Variants in PCDH9 observed in about 807,000 individuals in gnomAD.
The protein encoded by PCDH9 is protocadherin 9.
A neutral mutation model predicts 70.6 loss-of-function variants in PCDH9; 24 were observed. That is an observed-to-expected ratio of 0.34 (90% confidence interval 0.25 to 0.48). PCDH9 has a LOEUF of 0.48. Ranked by LOEUF, PCDH9 falls within the 20% of genes least tolerant of loss-of-function variation. PCDH9 has a pLI of 0.99. For missense variants in PCDH9, 1,281 were observed against 1,503.6 expected (o/e 0.85, Z 2.45); for synonymous variants, 562 against 558.5 (o/e 1.01, Z -0.09).
At chr13:66,537,263 G>A (rs1274219638) in intron 4 of PCDH9, among the ~76,000 whole-genome samples, 1 of 152,068 alleles carries the variant, frequency 6.6e-6, no homozygotes. Context: ...TGCTCAGTGA[G>A]TGCTGAACAT....
intron 4 of PCDH9, among the ~76,000 whole-genome samples, chr13:66,366,228 C>T (rs1441032775): frequency 2.6e-5 from 4 of 151,732 alleles, no homozygotes. Flanking sequence ...TTTTTCTCAC[C>T]CCAAATGCTA....
chr13:66,553,480 T>A (rs892678072), intron 4 of PCDH9, among the ~76,000 whole-genome samples: 1 of 152,192 alleles, frequency 6.6e-6, no homozygotes, highest in African/African-American at 2.4e-5. Flanking sequence ...TTTTGAAAAG[T>A]GGCTTTATTA....
chr13:66,879,773 C>T (rs545716892), intron 3 of PCDH9, among the ~76,000 whole-genome samples: 56 of 152,012 alleles, frequency 3.7e-4, no homozygotes, highest in African/African-American at 1.3e-3. Context: ...TGTAAGACAA[C>T]ACAACAAATG....
intron 3 of PCDH9, among the ~76,000 whole-genome samples, chr13:66,700,956 AT>A (rs2078636603): frequency 7.5e-6 from 1 of 133,096 alleles, no homozygotes; most frequent in African/African-American, 2.9e-5. Flanking sequence ...ATATATATAT[AT>A]ATATATATAT....
intron 2 of PCDH9, among the ~76,000 whole-genome samples, chr13:67,128,663 AAAGTGTGG>A (rs1326672915): frequency 9.2e-5 from 14 of 152,142 alleles, no homozygotes; most frequent in African/African-American, 3.4e-4. Flanking sequence ...TGCTTTGGTT[AAAGTGTGG>A]AAGGTAGGAA....
chr13:66,584,017 G>A (rs559890181), intron 4 of PCDH9, among the ~76,000 whole-genome samples: 1 of 152,130 alleles, frequency 6.6e-6, no homozygotes, highest in African/African-American at 2.4e-5. Context: ...CAAAACCTAC[G>A]CCTCACAAGT....
intron 3 of PCDH9, among the ~76,000 whole-genome samples, chr13:66,734,206 T>C (rs956870415): frequency 6.6e-6 from 1 of 152,186 alleles, no homozygotes; most frequent in Non-Finnish European, 1.5e-5. Flanking sequence ...TATGCCTACA[T>C]AATGAAAGCC....
chr13:66,917,385 G>A (rs184190292), intron 2 of PCDH9, among the ~76,000 whole-genome samples: 1 of 151,576 alleles, frequency 6.6e-6, no homozygotes, highest in Admixed American at 6.6e-5. Context: ...TGAGCCAAAT[G>A]ACTCACCATA....
intron 3 of PCDH9, among the ~76,000 whole-genome samples, chr13:66,839,208 G>A (rs918111990): frequency 1.3e-5 from 2 of 151,856 alleles, no homozygotes; most frequent in Non-Finnish European, 2.9e-5. Context: ...CAATCACTTT[G>A]TATTTTTTAG....
chr13:67,093,229 C>T (rs1289988772), intron 2 of PCDH9, among the ~76,000 whole-genome samples: 2 of 152,044 alleles, frequency 1.3e-5, no homozygotes, highest in African/African-American at 4.8e-5. Context: ...CCAAGGTCAG[C>T]GAATCACCTG....
chr13:67,015,939 T>C (rs140201320), intron 2 of PCDH9, among the ~76,000 whole-genome samples: 44 of 152,276 alleles, frequency 2.9e-4, no homozygotes, highest in Non-Finnish European at 3.4e-4. Context: ...GCCATAATAT[T>C]CACCTCAATT....
intron 4 of PCDH9, among the ~76,000 whole-genome samples, chr13:66,389,649 C>T (rs1046309589): frequency 6.6e-6 from 1 of 152,166 alleles, no homozygotes; most frequent in Non-Finnish European, 1.5e-5. Flanking sequence ...CTGCTCTCAG[C>T]TGGCTAAAAC....
At chr13:66,869,534 T>C (rs186456604) in intron 3 of PCDH9, among the ~76,000 whole-genome samples, 213 of 152,256 alleles carry the variant, frequency 1.4e-3, no homozygotes, top group African/African-American at 4.8e-3. Flanking sequence ...CCTTTCTAAA[T>C]TGTATTGTTT....
intron 2 of PCDH9, among the ~76,000 whole-genome samples, chr13:67,013,449 C>G (rs1186298412): frequency 6.6e-6 from 1 of 151,852 alleles, no homozygotes; most frequent in Admixed American, 6.6e-5. Context: ...ATTTATTTAA[C>G]CACCTATCTG....
At chr13:66,671,058 C>T (rs1325435900) in intron 3 of PCDH9, among the ~76,000 whole-genome samples, 1 of 151,808 alleles carries the variant, frequency 6.6e-6, no homozygotes, top group Non-Finnish European at 1.5e-5. Flanking sequence ...TTTTCCCATT[C>T]TGTTCTCATG....
Position 67,128,509 on chromosome 13 carries a change from G to A in PCDH9, c.3036+96896C>T, listed in dbSNP as rs868506257. Among the ~76,000 whole-genome samples, 41 of 152,148 alleles carry A rather than the reference G, an allele frequency of 2.7e-4. 1 individual carries two copies. The highest frequency in any genetic ancestry group is 7.7e-4 in the African/African-American group (32 of 41,428). ...CTGAAACACAGCAGGGTTAATCAAC[G>A]TTATGGCAGTTGGGTACCACAAAGA... On this transcript the variant is annotated intron_variant, in intron 2 of 4. Coordinates refer to ENST00000377865, the MANE Select transcript of PCDH9 (RefSeq NM_203487.3).
intron 2 of PCDH9, among the ~76,000 whole-genome samples, chr13:67,092,121 A>G (rs1594499790): frequency 6.6e-6 from 1 of 152,044 alleles, no homozygotes; most frequent in African/African-American, 2.4e-5. Context: ...ACTTATTTTC[A>G]TTTTGATCTT....
chr13:66,361,760 A>AT (rs1259314742), intron 4 of PCDH9, among the ~76,000 whole-genome samples: 3 of 152,148 alleles, frequency 2.0e-5, no homozygotes, highest in Admixed American at 6.6e-5. Context: ...AAAGCATTGC[A>AT]TTTTTCAAAG....
chr13:66,659,219 T>A (rs986581390), intron 3 of PCDH9, among the ~76,000 whole-genome samples: 4 of 152,156 alleles, frequency 2.6e-5, no homozygotes, highest in Admixed American at 2.6e-4. Flanking sequence ...ATAAGCACCA[T>A]GTAGACAAGG....
Sources: gnomAD v4.1 joint callset for allele counts (sites outside exome capture counted in the v4.1 genomes callset) on GRCh38, gnomAD v4.1.1 for gene constraint, MANE v1.5 for transcripts, NCBI Gene and HGNC (gene_info 2026-07-23, HGNC 2026-07-21) for gene names.